CACNA1B: variants seen among roughly 807,000 people sequenced by gnomAD.
CACNA1B encodes the protein calcium voltage-gated channel subunit alpha1 B.
Under a neutral mutation model 247.2 loss-of-function variants are expected in CACNA1B, and 70 were observed. That is an observed-to-expected ratio of 0.28 (90% CI 0.23 to 0.35). The LOEUF is 0.35. Among genes scored for constraint, CACNA1B ranks in the 10% least tolerant of loss-of-function variants. CACNA1B has a pLI of 1.00. For missense variants in CACNA1B, 2,367 were observed against 3,197.4 expected (o/e 0.74, Z 6.26); for synonymous variants, 1,231 against 1,294.4 (o/e 0.95, Z 1.05).
intron 36 of CACNA1B, among the ~76,000 whole-genome samples, chr9:138,082,724 T>C (rs527717017): frequency 6.6e-6 from 1 of 151,328 alleles, no homozygotes; most frequent in Admixed American, 6.6e-5. Context: ...AATTAAGAAA[T>C]GAGAGGTAAC....
intron 6 of CACNA1B, among the ~76,000 whole-genome samples, chr9:137,937,537 TCC>T (rs1957682127): frequency 6.6e-6 from 1 of 152,080 alleles, no homozygotes; most frequent in Non-Finnish European, 1.5e-5. Context: ...AAGGAAAACT[TCC>T]CTAGCCTTGC....
At chr9:138,069,679 A>G (rs1449851667) in intron 31 of CACNA1B, 79 bp from the exon 32 acceptor site, 14 of 1,048,794 alleles carry the variant, frequency 1.3e-5, no homozygotes, top group South Asian at 5.2e-5. Context: ...CTCCGTCTGT[A>G]TGTTGTGCAC....
rs1170112470 is a variant in CACNA1B at position 138,072,133 on chromosome 9, C to A, written c.4675-1355C>A. ...CACACCCTGAGGTCTACTGCTGCCGCCTTGCTGATTTGGATCATAGCCCGT... is the reference window on the plus strand; with the variant it reads ...CACACCCTGAGGTCTACTGCTGCCGACTTGCTGATTTGGATCATAGCCCGT... On this transcript the variant is annotated intron_variant, in intron 32 of 46. Coordinates refer to ENST00000371372, the MANE Select transcript of CACNA1B (RefSeq NM_000718.4). This position sits in a 1 kb window ranked among gnomAD's most constrained non-coding sequence, Gnocchi z 4.5. Among the ~76,000 whole-genome samples the A allele has an allele frequency of 6.6e-6, 1 of 152,196 alleles. No homozygotes were observed. Among genetic ancestry groups the A allele is most frequent in the African/African-American group, 2.4e-5 (1 of 41,456 alleles).
chr9:137,914,898 CT>C lies in CACNA1B; in HGVS notation c.775+94del. ...CTGTTCTAGGTGCTAGAGGGGCCTT[CT>C]TGGTGCCAGATACATGAGGTGGAGC... On this transcript the variant is annotated intron_variant, in intron 5 of 46. Coordinates refer to ENST00000371372, the MANE Select transcript of CACNA1B (RefSeq NM_000718.4). The surrounding 1 kb of genome is among the most constrained non-coding windows in gnomAD (Gnocchi z 4.3). 1 of 1,408,018 alleles carries C rather than the reference CT, an allele frequency of 7.1e-7. No homozygotes were observed. Among genetic ancestry groups the C allele is most frequent in the Non-Finnish European group, 9.6e-7 (1 of 1,043,120 alleles). The allele number at this position is 1,408,018 out of a possible 1,614,324, so 87.2% of individuals were successfully genotyped here.
chr9:138,047,041 G>A lies in CACNA1B; in HGVS notation c.3543+8G>A. 6.2e-7 allele frequency: 1 copy of A among 1,602,164 alleles called. No individual in the cohort carries two copies. The highest frequency in any genetic ancestry group is 1.1e-5 in the South Asian group (1 of 90,060). ...GACTCGCCCAGGAACAACGTGAGTGGCCCGGATGGCCGGGTCCCCGCCAGG... is the reference window on the plus strand; with the variant it reads ...GACTCGCCCAGGAACAACGTGAGTGACCCGGATGGCCGGGTCCCCGCCAGG... On this transcript the variant is annotated splice_region_variant and intron_variant, in intron 22 of 46. Coordinates refer to ENST00000371372, the MANE Select transcript of CACNA1B (RefSeq NM_000718.4).
chr9:138,023,169 T>A lies in CACNA1B; in HGVS notation c.2426T>A (p.Met809Lys). The change falls in exon 19 of 47, where the codon ATG (methionine) becomes AAG (lysine). Residue 809 changes from methionine to lysine, a missense_variant. Met to Lys is a moderately conservative substitution (Grantham distance 95). Transcript: ENST00000371372. ...FATTRHLRPD[M>K]KTHLDRPLVV... Reference sequence around the variant, plus strand: ...ACTACGCGCCACCTGCGGCCCGACATGAAGACGCACCTGGACCGGCCGCTG... The same window carrying A: ...ACTACGCGCCACCTGCGGCCCGACAAGAAGACGCACCTGGACCGGCCGCTG... 1 of 1,533,718 alleles carries A rather than the reference T, an allele frequency of 6.5e-7. No homozygotes were observed.
At chr9:138,103,072 G>T (rs1320411330) in intron 38 of CACNA1B, among the ~76,000 whole-genome samples, 1 of 151,980 alleles carries the variant, frequency 6.6e-6, no homozygotes, top group African/African-American at 2.4e-5. Context: ...CCCCCTGGAG[G>T]CTCAGGAAGA....
chr9:138,119,584 C>T (rs1240712399), intron 44 of CACNA1B, among the ~76,000 whole-genome samples: 1 of 152,184 alleles, frequency 6.6e-6, no homozygotes, highest in African/African-American at 2.4e-5. Flanking sequence ...CCTCTCCTCA[C>T]TGCCTCTCCT....
chr9:137,984,369 T>C (rs1269942718), intron 13 of CACNA1B, 119 bp downstream of exon 13: 17 of 727,686 alleles, frequency 2.3e-5, no homozygotes, highest in Non-Finnish European at 3.7e-5. Flanking sequence ...CTGTGGCTTA[T>C]AGTTGATTTA....
At chr9:138,062,962 C>A (rs929753372) in intron 31 of CACNA1B, among the ~76,000 whole-genome samples, 1 of 152,274 alleles carries the variant, frequency 6.6e-6, no homozygotes, top group Non-Finnish European at 1.5e-5. Flanking sequence ...TAACTTGTCT[C>A]TTACCTTGGA....
intron 37 of CACNA1B, among the ~76,000 whole-genome samples, chr9:138,099,101 T>C (rs1961155488): frequency 6.6e-6 from 1 of 152,258 alleles, no homozygotes; most frequent in Admixed American, 6.5e-5. Flanking sequence ...TTTATGAGAT[T>C]TCCTGAGTTG....
intron 36 of CACNA1B, among the ~76,000 whole-genome samples, chr9:138,081,723 C>T (rs955951334): frequency 6.6e-6 from 1 of 150,996 alleles, no homozygotes; most frequent in African/African-American, 2.5e-5. Flanking sequence ...AAATGGAGGT[C>T]TAGAGATGTT....
In CACNA1B at chr9:137,912,369, A is replaced by T. The variant is rs201133647; in HGVS notation, c.531-811A>T. Among the ~76,000 whole-genome samples, 4 of 152,332 alleles carry T rather than the reference A, an allele frequency of 2.6e-5. No individual in the cohort carries two copies. In the East Asian group the frequency reaches 7.7e-4, roughly 29 times the overall value. Reference sequence around the variant, plus strand: ...GAGAGTTGGCCTAAGGCAAGAGACCACACCCTTTAAAGGAGACTTGACCGT... The same window carrying T: ...GAGAGTTGGCCTAAGGCAAGAGACCTCACCCTTTAAAGGAGACTTGACCGT... On this transcript the variant is annotated intron_variant, in intron 3 of 46. Transcript: ENST00000371372.
intron 39 of CACNA1B, among the ~76,000 whole-genome samples, chr9:138,109,482 TCAAA>T (rs1317593398): frequency 1.3e-5 from 2 of 152,230 alleles, no homozygotes; most frequent in East Asian, 1.9e-4. Flanking sequence ...TGCTGTGTCC[TCAAA>T]CAGACTTGCC....
intron 12 of CACNA1B, 117 bp from the exon 13 acceptor site, chr9:137,984,021 A>G (rs1463830208): frequency 8.2e-6 from 6 of 729,144 alleles, no homozygotes; most frequent in Middle Eastern, 2.4e-4. Flanking sequence ...ATTGTCAGAC[A>G]AGGAAGCAGG....
chr9:138,102,852 C>T lies in CACNA1B; in HGVS notation c.5319+45C>T. ...CCCGCCCCCCAGGAGGCTGTGTGTGCTTGCTGAGGGGTGCTTGCTGGCTCT... is the reference window on the plus strand; with the variant it reads ...CCCGCCCCCCAGGAGGCTGTGTGTGTTTGCTGAGGGGTGCTTGCTGGCTCT... On this transcript the variant is annotated intron_variant, in intron 38 of 46. Coordinates refer to ENST00000371372, the MANE Select transcript of CACNA1B (RefSeq NM_000718.4). The surrounding 1 kb of genome is among the most constrained non-coding windows in gnomAD (Gnocchi z 5.4). The T allele has an allele frequency of 7.9e-7, 1 of 1,260,310 alleles. No homozygotes were observed. The highest frequency in any genetic ancestry group is 1.1e-6 in the Non-Finnish European group (1 of 871,822). The allele number at this position is 1,260,310 out of a possible 1,614,324, so 78.1% of individuals were successfully genotyped here. A position where few individuals can be genotyped will look rare whatever the true frequency, so the allele number is the denominator to read the frequency against.
At chr9:138,001,435 A>G (rs1239341798) in intron 15 of CACNA1B, among the ~76,000 whole-genome samples, 1 of 152,234 alleles carries the variant, frequency 6.6e-6, no homozygotes, top group East Asian at 1.9e-4. Flanking sequence ...ACTATTGTAT[A>G]CACTTTAAAT....
chr9:138,038,882 G>A (rs1959080077), intron 20 of CACNA1B, among the ~76,000 whole-genome samples: 3 of 152,096 alleles, frequency 2.0e-5, no homozygotes, highest in Admixed American at 6.6e-5. Flanking sequence ...TTTTTGGTGG[G>A]CTTTTTAAAA....
In CACNA1B at chr9:138,059,852, C is replaced by A; in HGVS notation, c.4668+115C>A. 2 of 688,236 alleles carry A rather than the reference C, an allele frequency of 2.9e-6. No homozygotes were observed. Among genetic ancestry groups the A allele is most frequent in the East Asian group, 2.6e-5 (1 of 39,172 alleles). 42.6% of individuals were successfully genotyped at this position (688,236 alleles called of 1,614,324 possible). A position where few individuals can be genotyped will look rare whatever the true frequency, so the allele number is the denominator to read the frequency against. ...AGCCTCTTCCTGGGTTCCGCAGAAC[C>A]CCCTGGACATGTGGAGGCTTCGCTC... is the stretch of plus-strand genomic sequence containing the variant. On this transcript the variant is annotated intron_variant, in intron 31 of 46. Transcript: ENST00000371372. This position sits in a 1 kb window ranked among gnomAD's most constrained non-coding sequence, Gnocchi z 4.2.
Sources: allele counts gnomAD v4.1 joint callset (sites outside exome capture counted in the v4.1 genomes callset), GRCh38; gene constraint gnomAD v4.1.1; non-coding constraint Gnocchi (gnomAD v3.1); transcripts MANE v1.5; gene names NCBI Gene and HGNC (gene_info 2026-07-23, HGNC 2026-07-21).